The following YWHAG variants were observed in gnomAD, a reference collection of about 807,000 sequenced individuals.
YWHAG encodes the protein 14-3-3 protein gamma.
In YWHAG, 1 loss-of-function variant was observed where a neutral mutation model predicts 23.3. That is an observed-to-expected ratio of 0.04 (90% CI 0.02 to 0.20). YWHAG has a LOEUF of 0.20. Ranked by LOEUF, YWHAG falls within the 10% of genes least tolerant of loss-of-function variation. The pLI, the probability that YWHAG is intolerant of heterozygous loss-of-function variation, is 1.00. For missense variants in YWHAG, 151 were observed against 338.6 expected (o/e 0.45, Z 4.35); for synonymous variants, 160 against 144.0 (o/e 1.11, Z -0.80).
Position 76,331,280 on chromosome 7 carries a change from G to A in YWHAG, c.88-1047C>T, listed in dbSNP as rs1023710655. On this transcript the variant is annotated intron_variant, in intron 1 of 1. Transcript: ENST00000307630. ...ACTACCAGCACATGCCAACTGGCTG[G>A]GGATGGGGAGAGGAGAGGAGAGGAG... Among the ~76,000 whole-genome samples, 9 of 137,092 alleles carry A rather than the reference G, an allele frequency of 6.6e-5. No individual in the cohort carries two copies. The South Asian group carries it at 7.1e-4, about 11-fold the overall frequency. 89.9% of individuals were successfully genotyped at this position (137,092 alleles called of 152,430 possible).
intron 1 of YWHAG, among the ~76,000 whole-genome samples, chr7:76,331,941 T>C (rs551231469): frequency 6.6e-6 from 1 of 152,160 alleles, no homozygotes; most frequent in African/African-American, 2.4e-5. Context: ...GATAATTAAA[T>C]CAAAACATAA....
At chr7:76,340,556 G>T (rs753559646) in intron 1 of YWHAG, among the ~76,000 whole-genome samples, 1 of 152,054 alleles carries the variant, frequency 6.6e-6, no homozygotes, top group Non-Finnish European at 1.5e-5. Context: ...CTCGCCCTCC[G>T]GACAATCATT....
chr7:76,358,319 G>A (rs1196335703), intron 1 of YWHAG, among the ~76,000 whole-genome samples: 2 of 152,188 alleles, frequency 1.3e-5, no homozygotes, highest in Admixed American at 6.5e-5. Context: ...AGAGAAAGAG[G>A]AACCGCATCC....
chr7:76,332,818 CT>C (rs1803564609), intron 1 of YWHAG, among the ~76,000 whole-genome samples: 2 of 151,956 alleles, frequency 1.3e-5, no homozygotes, highest in Non-Finnish European at 2.9e-5. Context: ...ATTCTCCTGC[CT>C]CAGCCTCCCG....
chr7:76,358,939 C>A lies in YWHAG; in HGVS notation c.-131G>T. 3.6e-6 allele frequency: 3 copies of A among 826,886 alleles called. No individual in the cohort carries two copies. In the South Asian group the frequency reaches 8.4e-5, roughly 23 times the overall value. 51.2% of individuals were successfully genotyped at this position (826,886 alleles called of 1,614,324 possible). ...GAGCGAGCAGCTGAGGCGGCGGCTG[C>A]GCGGAGGAGGCGGCTGGAGCTGCGA... is the stretch of plus-strand genomic sequence containing the variant. On this transcript the variant is annotated 5_prime_UTR_variant, in exon 1 of 2. Coordinates refer to ENST00000307630, the MANE Select transcript of YWHAG (RefSeq NM_012479.4).
intron 1 of YWHAG, 40 bp from the exon 2 acceptor site, chr7:76,330,273 G>A: frequency 6.3e-7 from 1 of 1,581,822 alleles, no homozygotes; most frequent in Non-Finnish European, 8.6e-7. Context: ...GGTACAGATG[G>A]TGTCCACTGG....
chr7:76,345,219 T>C (rs1239820917), intron 1 of YWHAG, among the ~76,000 whole-genome samples: 3 of 146,844 alleles, frequency 2.0e-5, no homozygotes, highest in Non-Finnish European at 4.5e-5. Context: ...GGAGTCTCGC[T>C]CTGTTGCCCA....
intron 1 of YWHAG, 68 bp downstream of exon 1, chr7:76,358,654 G>T (rs1178019882): frequency 4.8e-6 from 7 of 1,444,750 alleles, no homozygotes; most frequent in Non-Finnish European, 6.6e-6. Context: ...GAAGCCCCGG[G>T]CCTTCCACGC....
chr7:76,326,802 G>A lies in YWHAG; in HGVS notation c.*2775C>T, dbSNP rs895242342. On this transcript the variant is annotated 3_prime_UTR_variant, in exon 2 of 2. Coordinates refer to ENST00000307630, the MANE Select transcript of YWHAG (RefSeq NM_012479.4). ...ATGAAGCTAAGGAGCACTGGCGTCAGATCTGTAAGTTTATTTGCTCAATGT... is the reference window on the plus strand; with the variant it reads ...ATGAAGCTAAGGAGCACTGGCGTCAAATCTGTAAGTTTATTTGCTCAATGT... The A allele has an allele frequency of 6.6e-6, 1 of 152,600 alleles. No homozygotes were observed. The highest frequency in any genetic ancestry group is 2.4e-5 in the African/African-American group (1 of 41,442). The allele number at this position is 152,600 out of a possible 1,614,324, so 9.5% of individuals were successfully genotyped here. A position where few individuals can be genotyped will look rare whatever the true frequency, so the allele number is the denominator to read the frequency against.
chr7:76,341,429 A>G (rs1030396133), intron 1 of YWHAG, among the ~76,000 whole-genome samples: 5 of 150,922 alleles, frequency 3.3e-5, no homozygotes, highest in Non-Finnish European at 4.4e-5. Flanking sequence ...AAAAAAAAAA[A>G]AGAGAAATCT....
chr7:76,351,507 C>T (rs751920742), intron 1 of YWHAG, among the ~76,000 whole-genome samples: 5 of 152,200 alleles, frequency 3.3e-5, no homozygotes, highest in Admixed American at 6.5e-5. Context: ...GGGTCCCCAA[C>T]GGGTCCATGG....
At chr7:76,349,171 T>TA (rs1563667270) in intron 1 of YWHAG, among the ~76,000 whole-genome samples, 1 of 151,688 alleles carries the variant, frequency 6.6e-6, no homozygotes, top group African/African-American at 2.4e-5. Context: ...TGAAACCTCA[T>TA]CTCTACTAAA....
In YWHAG at chr7:76,334,679, G is replaced by A. The variant is rs567887639; in HGVS notation, c.88-4446C>T. ...GATCCTCCAGCCTTGGCCTCCTAAAGTTCTGGGATTACAAACATGAGCCAT... is the reference window on the plus strand; with the variant it reads ...GATCCTCCAGCCTTGGCCTCCTAAAATTCTGGGATTACAAACATGAGCCAT... On this transcript the variant is annotated intron_variant, in intron 1 of 1. Transcript: ENST00000307630. 6.0e-5 allele frequency among the ~76,000 whole-genome samples: 9 copies of A among 151,234 alleles called. No individual in the cohort carries two copies. The Admixed American group carries it at 6.0e-4, about 10-fold the overall frequency.
rs1295021723 is a variant in YWHAG, at chr7:76,348,570, A to ATT, written c.87+10150_87+10151dup. On this transcript the variant is annotated intron_variant, in intron 1 of 1. Transcript: ENST00000307630. ...AGGTGACCGCCACCACGCCCGACTA[A>ATT]TTTTTTTGTATTTTTAGTAGAGACG... 4.0e-5 allele frequency among the ~76,000 whole-genome samples: 6 copies of ATT among 151,766 alleles called. 1 individual carries two copies. The highest frequency in any genetic ancestry group is 3.9e-4 in the Admixed American group (6 of 15,224).
At chr7:76,343,548 G>T (rs955053351) in intron 1 of YWHAG, among the ~76,000 whole-genome samples, 3 of 152,148 alleles carry the variant, frequency 2.0e-5, no homozygotes, top group African/African-American at 7.2e-5. Flanking sequence ...TCCACATGAT[G>T]TACCCATCTG....
chr7:76,357,300 G>A (rs758422803), intron 1 of YWHAG, among the ~76,000 whole-genome samples: 18 of 152,152 alleles, frequency 1.2e-4, no homozygotes, highest in Non-Finnish European at 2.4e-4. Flanking sequence ...ATTTATTCAA[G>A]AATTGATCTG....
intron 1 of YWHAG, among the ~76,000 whole-genome samples, chr7:76,342,299 A>G (rs1204609890): frequency 6.6e-6 from 1 of 152,206 alleles, no homozygotes; most frequent in African/African-American, 2.4e-5. Context: ...GGAAAAAGTC[A>G]AAGAAGAAAC....
intron 1 of YWHAG, among the ~76,000 whole-genome samples, chr7:76,341,948 C>G (rs941902952): frequency 1.3e-5 from 2 of 152,192 alleles, no homozygotes; most frequent in Admixed American, 1.3e-4. Flanking sequence ...ATAGCACTCT[C>G]ACACACACCA....
At chr7:76,330,826 A>G (rs1265156970) in intron 1 of YWHAG, among the ~76,000 whole-genome samples, 1 of 152,190 alleles carries the variant, frequency 6.6e-6, no homozygotes, top group Non-Finnish European at 1.5e-5. Context: ...ACTGAATACA[A>G]CTTTACAACC....
Sources: allele counts gnomAD v4.1 joint callset (sites outside exome capture counted in the v4.1 genomes callset), GRCh38; gene constraint gnomAD v4.1.1; transcripts MANE v1.5; gene names NCBI Gene and HGNC (gene_info 2026-07-23, HGNC 2026-07-21).